The following MICU2 variants were observed in gnomAD, a reference collection of about 807,000 sequenced individuals.
The protein encoded by MICU2 is calcium uptake protein 2, mitochondrial.
A neutral mutation model predicts 60.4 loss-of-function variants in MICU2; 64 were observed. The observed-to-expected ratio is 1.06, with a 90% confidence interval of 0.87 to 1.31. The LOEUF (loss-of-function observed/expected upper bound fraction) is 1.31, where lower values mean the gene tolerates loss of function less well. Ranked by LOEUF, MICU2 falls within the 50% of genes most tolerant of loss-of-function variation. The probability of loss-of-function intolerance (pLI) is 0.00; values close to 1 mark genes in which losing one functional copy is unlikely to be tolerated. For missense variants in MICU2, 569 were observed against 531.0 expected, an observed-to-expected ratio of 1.07 and a Z score of -0.70; for synonymous variants, 201 against 175.0, an observed-to-expected ratio of 1.15 and a Z score of -1.17.
At chr13:21,531,141 T>G (rs138247993) in intron 4 of MICU2, 8 of 908,666 alleles carry the variant, frequency 8.8e-6, no homozygotes, top group Middle Eastern at 4.6e-4. Context: ...TGTGGTTATC[T>G]ATGAAGACAT....
chr13:21,546,517 G>A (rs1887423077), intron 2 of MICU2, among the ~76,000 whole-genome samples: 1 of 152,128 alleles, frequency 6.6e-6, no homozygotes, highest in Non-Finnish European at 1.5e-5. Context: ...GAGGTTAAAA[G>A]TATTACACAC....
intron 1 of MICU2, among the ~76,000 whole-genome samples, chr13:21,601,008 G>A (rs573232944): frequency 1.3e-5 from 2 of 152,282 alleles, no homozygotes; most frequent in African/African-American, 2.4e-5. Context: ...GTGTTAGCCA[G>A]GATGGTCTCG....
chr13:21,534,285 A>C (rs1470892168), intron 4 of MICU2, among the ~76,000 whole-genome samples: 1 of 151,930 alleles, frequency 6.6e-6, no homozygotes, highest in Non-Finnish European at 1.5e-5. Flanking sequence ...GGCTCACTGA[A>C]GCCAGCTTCT....
chr13:21,516,515 T>C (rs1330845089), intron 6 of MICU2, among the ~76,000 whole-genome samples: 4 of 152,222 alleles, frequency 2.6e-5, no homozygotes, highest in African/African-American at 7.2e-5. Context: ...TGAATCAAAA[T>C]GCCACAAACA....
chr13:21,547,811 T>C (rs1158125196), intron 2 of MICU2, among the ~76,000 whole-genome samples: 1 of 151,816 alleles, frequency 6.6e-6, no homozygotes, highest in Non-Finnish European at 1.5e-5. Context: ...GGGTAGAGCA[T>C]CTGCAGTGCA....
At chr13:21,501,293 T>G (rs528450137) in intron 9 of MICU2, among the ~76,000 whole-genome samples, 2 of 152,000 alleles carry the variant, frequency 1.3e-5, no homozygotes, top group Non-Finnish European at 2.9e-5. Flanking sequence ...CACAGAGTCT[T>G]GCTCTGTCAC....
intron 1 of MICU2, among the ~76,000 whole-genome samples, chr13:21,581,439 C>T (rs1888346567): frequency 6.6e-6 from 1 of 152,176 alleles, no homozygotes; most frequent in South Asian, 2.1e-4. Flanking sequence ...GTTAACCTTA[C>T]ATGACATAAT....
chr13:21,522,763 CTCTT>C lies in MICU2; in HGVS notation c.467-117_467-114del, dbSNP rs1886750463. ...AAAACAATTTTACTTTAAATTACCTCTCTTTGATACAGTGGAAAATTTTTATAAT... is the reference window on the plus strand; with the variant it reads ...AAAACAATTTTACTTTAAATTACCTCTGATACAGTGGAAAATTTTTATAAT... On this transcript the variant is annotated intron_variant, in intron 4 of 11. Coordinates refer to ENST00000382374, the MANE Select transcript of MICU2 (RefSeq NM_152726.3). 5.8e-6 allele frequency: 4 copies of C among 689,678 alleles called. No individual in the cohort carries two copies. The East Asian group carries it at 1.2e-4, about 21-fold the overall frequency. The allele number at this position is 689,678 out of a possible 1,614,324, so 42.7% of individuals were successfully genotyped here. A position where few individuals can be genotyped will look rare whatever the true frequency, so the allele number is the denominator to read the frequency against.
chr13:21,534,459 G>A (rs1012143639), intron 4 of MICU2, among the ~76,000 whole-genome samples: 3 of 151,874 alleles, frequency 2.0e-5, no homozygotes, highest in Admixed American at 6.6e-5. Flanking sequence ...CTTCTGCCTT[G>A]GCCTCCCAAA....
intron 2 of MICU2, among the ~76,000 whole-genome samples, chr13:21,564,986 T>C (rs558997314): frequency 2.8e-4 from 42 of 152,304 alleles, no homozygotes; most frequent in Non-Finnish European, 5.1e-4. Context: ...AGGTTTCTGT[T>C]GGTAGTAAGC....
chr13:21,548,908 G>A (rs1180576845), intron 2 of MICU2, among the ~76,000 whole-genome samples: 1 of 145,054 alleles, frequency 6.9e-6, no homozygotes, highest in African/African-American at 2.5e-5. Flanking sequence ...GAGGAGAGAA[G>A]ACAAGTTTGA....
chr13:21,505,294 GAA>G (rs1327799734), intron 8 of MICU2, among the ~76,000 whole-genome samples: 2 of 152,146 alleles, frequency 1.3e-5, no homozygotes, highest in Non-Finnish European at 2.9e-5. Context: ...GAGTAGGAGA[GAA>G]GAGTAAAAAA....
At chr13:21,544,143 CCTTATATAAAAATCAA>C (rs1205357604) in intron 2 of MICU2, among the ~76,000 whole-genome samples, 2 of 152,112 alleles carry the variant, frequency 1.3e-5, no homozygotes, top group African/African-American at 4.8e-5. Flanking sequence ...AACCCCCTCA[CCTTATATAAAAATCAA>C]CTCAAAATGG....
intron 4 of MICU2, among the ~76,000 whole-genome samples, chr13:21,530,407 A>G (rs748763322): frequency 5.6e-4 from 85 of 152,170 alleles, no homozygotes; most frequent in Non-Finnish European, 2.9e-4. Flanking sequence ...CTATTTTTCT[A>G]ATAGTTCATC....
chr13:21,547,885 T>TGG (rs1445308002), intron 2 of MICU2, among the ~76,000 whole-genome samples: 1 of 152,096 alleles, frequency 6.6e-6, no homozygotes, highest in Non-Finnish European at 1.5e-5. Context: ...ACAAGGAATA[T>TGG]TATGGGTCTC....
intron 2 of MICU2, among the ~76,000 whole-genome samples, chr13:21,554,693 T>C (rs556440233): frequency 1.3e-4 from 19 of 151,774 alleles, no homozygotes; most frequent in African/African-American, 1.7e-4. Flanking sequence ...CTGAAGGAAA[T>C]AGAGATACAA....
chr13:21,558,999 A>C (rs1434518588), intron 2 of MICU2, among the ~76,000 whole-genome samples: 1 of 152,132 alleles, frequency 6.6e-6, no homozygotes, highest in Non-Finnish European at 1.5e-5. Flanking sequence ...GTTTGGAATA[A>C]ATTTCCATTC....
intron 10 of MICU2, 52 bp downstream of exon 10, chr13:21,496,000 A>G: frequency 7.7e-7 from 1 of 1,295,928 alleles, no homozygotes; most frequent in Middle Eastern, 1.9e-4. Context: ...TGAAGAATAT[A>G]GTAAAACTGT....
At chr13:21,529,922 A>G (rs1378965883) in intron 4 of MICU2, among the ~76,000 whole-genome samples, 1 of 152,136 alleles carries the variant, frequency 6.6e-6, no homozygotes, top group Non-Finnish European at 1.5e-5. Flanking sequence ...CAGGGTTGAG[A>G]CCCCAATCAG....
Sources: allele counts gnomAD v4.1 joint callset (sites outside exome capture counted in the v4.1 genomes callset), GRCh38; gene constraint gnomAD v4.1.1; transcripts MANE v1.5; gene names NCBI Gene and HGNC (gene_info 2026-07-23, HGNC 2026-07-21).